The following RBFOX1 variants were observed in gnomAD, a reference collection of about 807,000 sequenced individuals.
RBFOX1 encodes the protein RNA binding protein fox-1 homolog 1.
Under a neutral mutation model 57.7 loss-of-function variants are expected in RBFOX1, and 8 were observed. The observed-to-expected ratio is 0.14, with a 90% CI of 0.08 to 0.25. RBFOX1 has a LOEUF of 0.25. RBFOX1 is among the 10% of genes least tolerant of loss of function. The probability of loss-of-function intolerance (pLI) is 1.00; values close to 1 mark genes in which losing one functional copy is unlikely to be tolerated. For synonymous variants in RBFOX1, 326 were observed against 222.4 expected (o/e 1.47, Z -4.15); for missense variants, 611 against 548.5 (o/e 1.11, Z -1.14).
At chr16:6,159,830 A>C (rs1007746283) in intron 1 of RBFOX1, among the ~76,000 whole-genome samples, 24 of 152,196 alleles carry the variant, frequency 1.6e-4, no homozygotes, top group Admixed American at 9.2e-4. Flanking sequence ...CATGCAAAGT[A>C]ACATTGCTTT....
rs1425964614 is a variant in RBFOX1 at position 6,256,271 on chromosome 16, G to A, written c.-126-60724G>A. 2.1e-3 allele frequency among the ~76,000 whole-genome samples: 234 copies of A among 114,048 alleles called. 2 individuals carry two copies. The highest frequency in any genetic ancestry group is 0.01 in the African/African-American group (226 of 22,320). The allele number at this position is 114,048 out of a possible 152,430, so 74.8% of individuals were successfully genotyped here. On this transcript the variant is annotated intron_variant, in intron 1 of 15. Coordinates refer to ENST00000550418, the MANE Select transcript of RBFOX1 (RefSeq NM_018723.4). ...TGTATATATATGTGTATATATATAT[G>A]TATATATATATGTGTGTATATATAT...
intron 1 of RBFOX1, among the ~76,000 whole-genome samples, chr16:6,190,976 C>T (rs924225208): frequency 6.6e-6 from 1 of 152,048 alleles, no homozygotes; most frequent in Non-Finnish European, 1.5e-5. Context: ...AAATCCAGAT[C>T]GGGCAGCCTC....
At chr16:6,062,476 G>C (rs1321930125) in intron 1 of RBFOX1, among the ~76,000 whole-genome samples, 2 of 151,818 alleles carry the variant, frequency 1.3e-5, no homozygotes, top group East Asian at 3.9e-4. Flanking sequence ...TTTAGAAGCT[G>C]TGCTCCAAGA....
chr16:5,363,733 G>T (rs1346338011), intron 1 of RBFOX1, among the ~76,000 whole-genome samples: 1 of 152,162 alleles, frequency 6.6e-6, no homozygotes, highest in Non-Finnish European at 1.5e-5. Context: ...GTGTCCTTGG[G>T]TTGGGGACTA....
intron 2 of RBFOX1, among the ~76,000 whole-genome samples, chr16:6,648,744 CAGAG>C (rs1289527536): frequency 5.3e-5 from 8 of 152,164 alleles, no homozygotes; most frequent in African/African-American, 1.7e-4. Flanking sequence ...CAGAAGCAGA[CAGAG>C]AGCTGCTTTT....
At chr16:6,375,283 G>C (rs1368406766) in intron 2 of RBFOX1, among the ~76,000 whole-genome samples, 1 of 147,774 alleles carries the variant, frequency 6.8e-6, no homozygotes, top group Non-Finnish European at 1.5e-5. Flanking sequence ...TTTTGCCAGA[G>C]TGGGGAAAAA....
At chr16:7,560,327 C>T (rs536028269) in intron 5 of RBFOX1, among the ~76,000 whole-genome samples, 22 of 152,292 alleles carry the variant, frequency 1.4e-4, no homozygotes, top group African/African-American at 4.8e-4. Context: ...GCCTGCAAGG[C>T]CACCAAATTT....
intron 1 of RBFOX1, among the ~76,000 whole-genome samples, chr16:5,261,739 A>G (rs1318109962): frequency 2.6e-5 from 4 of 152,032 alleles, no homozygotes; most frequent in Non-Finnish European, 5.9e-5. Flanking sequence ...TTTGGTAGAC[A>G]CGGGGTTTCA....
At chr16:7,301,977 A>G (rs1211971124) in intron 4 of RBFOX1, among the ~76,000 whole-genome samples, 1 of 152,198 alleles carries the variant, frequency 6.6e-6, no homozygotes, top group Non-Finnish European at 1.5e-5. Flanking sequence ...ATTATTTGTT[A>G]ATCAAAGCTT....
At chr16:7,097,654 C>T (rs555449383) in intron 4 of RBFOX1, among the ~76,000 whole-genome samples, 1 of 152,168 alleles carries the variant, frequency 6.6e-6, no homozygotes, top group Admixed American at 6.5e-5. Context: ...AACCCAGGGC[C>T]TCTCTGCATC....
At chr16:6,483,042 G>T (rs1170371401) in intron 2 of RBFOX1, 4 of 726,862 alleles carry the variant, frequency 5.5e-6, no homozygotes, top group Admixed American at 6.2e-5. Context: ...GAGGGCGAGC[G>T]GCGAGATACC....
chr16:6,599,782 C>G (rs1279893899), intron 2 of RBFOX1, among the ~76,000 whole-genome samples: 1 of 152,162 alleles, frequency 6.6e-6, no homozygotes, highest in African/African-American at 2.4e-5. Flanking sequence ...CTTAATGCAA[C>G]CTTCAGTTCT....
At chr16:7,375,117 T>G (rs1331378433) in intron 4 of RBFOX1, among the ~76,000 whole-genome samples, 1 of 152,238 alleles carries the variant, frequency 6.6e-6, no homozygotes, top group Non-Finnish European at 1.5e-5. Flanking sequence ...TGCTAGCCAT[T>G]ACGCATTATC....
At chr16:5,690,746 T>C (rs1193580565) in intron 3 of RBFOX1, among the ~76,000 whole-genome samples, 1 of 152,166 alleles carries the variant, frequency 6.6e-6, no homozygotes, top group East Asian at 1.9e-4. Context: ...GGGGCGCGTA[T>C]GTCTTTCTCT....
Position 7,037,370 on chromosome 16 carries a change from T to C in RBFOX1, c.-15-14687T>C, listed in dbSNP as rs1437547251. On this transcript the variant is annotated intron_variant, in intron 3 of 15. Transcript: ENST00000550418. ...GCTTCTCCTGCCTCAGCCTCCCAAG[T>C]AGCTGGGATTATAGGCATACACCAC... Among the ~76,000 whole-genome samples, 5 of 150,892 alleles carry C rather than the reference T, an allele frequency of 3.3e-5. No homozygotes were observed. In the Admixed American group the frequency reaches 3.3e-4, roughly 10 times the overall value.
rs140036443 is a variant in RBFOX1 at position 6,494,452 on chromosome 16, A to G, written c.-63-160151A>G. ...AACTTTGTTATTTCAAAAATGGTAT[A>G]TAAGTGAGATCACAGAGTGCTTAGA... On this transcript the variant is annotated intron_variant, in intron 2 of 15. Coordinates refer to ENST00000550418, the MANE Select transcript of RBFOX1 (RefSeq NM_018723.4). 3.9e-5 allele frequency among the ~76,000 whole-genome samples: 6 copies of G among 152,346 alleles called. No homozygotes were observed. In the East Asian group the frequency reaches 5.8e-4, roughly 15 times the overall value.
intron 4 of RBFOX1, among the ~76,000 whole-genome samples, chr16:7,174,851 C>G (rs758066005): frequency 6.6e-6 from 1 of 152,092 alleles, no homozygotes; most frequent in East Asian, 1.9e-4. Flanking sequence ...ATTCAATATC[C>G]CCACCAGCAA....
At chr16:6,583,677 C>A (rs572712896) in intron 2 of RBFOX1, among the ~76,000 whole-genome samples, 1 of 152,168 alleles carries the variant, frequency 6.6e-6, no homozygotes, top group South Asian at 2.1e-4. Flanking sequence ...AATCACAGTG[C>A]AATTTCTTGT....
In RBFOX1 at chr16:6,363,900, T is replaced by A. The variant is rs193013164; in HGVS notation, c.-64+46843T>A. On this transcript the variant is annotated intron_variant, in intron 2 of 15. Transcript: ENST00000550418. ...TTAAATGAAACTAGGTCTACATAGGTGAAGTATCTGAATATAACTATGTAA... is the reference window on the plus strand; with the variant it reads ...TTAAATGAAACTAGGTCTACATAGGAGAAGTATCTGAATATAACTATGTAA... 1.4e-3 allele frequency among the ~76,000 whole-genome samples: 214 copies of A among 152,296 alleles called. 1 individual carries two copies. Among genetic ancestry groups the A allele is most frequent in the African/African-American group, 4.9e-3 (204 of 41,572 alleles).
Sources: gnomAD v4.1 joint callset for allele counts (sites outside exome capture counted in the v4.1 genomes callset) on GRCh38, gnomAD v4.1.1 for gene constraint, MANE v1.5 for transcripts, NCBI Gene and HGNC (gene_info 2026-07-23, HGNC 2026-07-21) for gene names.